Variants in ADAMTSL1 observed in about 807,000 individuals in gnomAD.
ADAMTSL1 encodes the protein ADAMTS-like protein 1.
Under a neutral mutation model 201.8 loss-of-function variants are expected in ADAMTSL1, and 126 were observed. That is an observed-to-expected ratio of 0.62 (90% CI 0.54 to 0.72). The LOEUF is 0.72. ADAMTSL1 is among the 30% of genes least tolerant of loss of function. The pLI is 0.00. For synonymous variants in ADAMTSL1, 1,121 were observed against 903.4 expected (o/e 1.24, Z -4.32); for missense variants, 2,679 against 2,277.8 (o/e 1.18, Z -3.59).
Position 18,031,357 on chromosome 9 carries a change from G to T in ADAMTSL1, c.87+124435G>T, listed in dbSNP as rs544777899. Among the ~76,000 whole-genome samples, 27 of 152,176 alleles carry T rather than the reference G, an allele frequency of 1.8e-4. No homozygotes were observed. In the South Asian group the frequency reaches 5.6e-3, roughly 32 times the overall value. On this transcript the variant is annotated intron_variant, in intron 1 of 29. Coordinates refer to the ADAMTSL1 transcript ENST00000680146. Reference sequence around the variant, plus strand: ...CTTTTTTTCCTTTGAAGCCTTGACTGTGGTGTGTTGTGTATAGTTGATTGG... The same window carrying T: ...CTTTTTTTCCTTTGAAGCCTTGACTTTGGTGTGTTGTGTATAGTTGATTGG...
intron 2 of ADAMTSL1, among the ~76,000 whole-genome samples, chr9:18,273,966 G>C (rs897572665): frequency 2.0e-5 from 3 of 152,168 alleles, no homozygotes; most frequent in Non-Finnish European, 4.4e-5. Flanking sequence ...TCCCTAAAAT[G>C]CGTAAATCCT....
At chr9:18,649,385 A>T (rs897629269) in intron 7 of ADAMTSL1, among the ~76,000 whole-genome samples, 1 of 151,766 alleles carries the variant, frequency 6.6e-6, no homozygotes, top group South Asian at 2.1e-4. Flanking sequence ...TCTTCTCTCA[A>T]CTCGTCAAAG....
chr9:18,373,089 T>C (rs150552974), intron 2 of ADAMTSL1, among the ~76,000 whole-genome samples: 10 of 152,348 alleles, frequency 6.6e-5, no homozygotes, highest in South Asian at 2.1e-4. Flanking sequence ...TTTCTAAAAT[T>C]ATAGGTTTAA....
intron 2 of ADAMTSL1, among the ~76,000 whole-genome samples, chr9:18,175,344 T>G (rs2132144441): frequency 6.6e-6 from 1 of 152,342 alleles, no homozygotes; most frequent in Admixed American, 6.5e-5. Flanking sequence ...AAACACCAGC[T>G]GGCTGCCCAT....
chr9:18,177,055 G>T (rs563089151), intron 2 of ADAMTSL1, among the ~76,000 whole-genome samples: 3 of 152,266 alleles, frequency 2.0e-5, no homozygotes, highest in African/African-American at 7.2e-5. Context: ...CCTTTTAATG[G>T]ATTTGAGCAT....
intron 2 of ADAMTSL1, among the ~76,000 whole-genome samples, chr9:18,348,127 T>C (rs1835805421): frequency 1.3e-5 from 2 of 152,344 alleles, no homozygotes; most frequent in Non-Finnish European, 2.9e-5. Context: ...TTCTCACACT[T>C]ACTAATCTTT....
At chr9:18,522,383 G>A (rs1430089739) in intron 2 of ADAMTSL1, among the ~76,000 whole-genome samples, 2 of 152,084 alleles carry the variant, frequency 1.3e-5, no homozygotes, top group Non-Finnish European at 2.9e-5. Flanking sequence ...TCTCTCAGTT[G>A]TTCTCACAAT....
At chr9:18,582,854 AAAATAAAAT>A (rs1456399429) in intron 4 of ADAMTSL1, among the ~76,000 whole-genome samples, 7 of 145,246 alleles carry the variant, frequency 4.8e-5, no homozygotes, top group South Asian at 2.1e-4. Context: ...ATCTCAAAAT[AAAATAAAAT>A]AAATAAAATA....
intron 4 of ADAMTSL1, among the ~76,000 whole-genome samples, chr9:18,585,364 C>T (rs1823414309): frequency 6.6e-6 from 1 of 152,074 alleles, no homozygotes; most frequent in Non-Finnish European, 1.5e-5. Context: ...GTGAAGTAAA[C>T]AAGGCAGAGC....
intron 2 of ADAMTSL1, among the ~76,000 whole-genome samples, chr9:18,334,036 A>G (rs112346354): frequency 0.025 from 3,783 of 152,246 alleles, 150 homozygotes; most frequent in African/African-American, 0.087. Flanking sequence ...AGTGAAACCA[A>G]CTTTGATTCA....
chr9:18,516,022 T>A (rs1030267297), intron 2 of ADAMTSL1, among the ~76,000 whole-genome samples: 3 of 150,730 alleles, frequency 2.0e-5, no homozygotes, highest in Non-Finnish European at 4.4e-5. Context: ...CAGAGTTGAG[T>A]TGAGTTGAGT....
chr9:18,459,137 A>G (rs1160480874), intron 2 of ADAMTSL1, among the ~76,000 whole-genome samples: 4 of 152,228 alleles, frequency 2.6e-5, no homozygotes, highest in Non-Finnish European at 5.9e-5. Context: ...GCTTGAGACA[A>G]TAGTCCTATG....
rs570902761 is a variant in ADAMTSL1 at position 18,528,408 on chromosome 9, C to T, written c.192-4839C>T. 2.6e-5 allele frequency among the ~76,000 whole-genome samples: 4 copies of T among 152,158 alleles called. No individual in the cohort carries two copies. The South Asian group carries it at 8.3e-4, about 32-fold the overall frequency. On this transcript the variant is annotated intron_variant, in intron 2 of 28. Transcript: ENST00000380548. ...CCCCCATGTATACACGTGTTCTCAC[C>T]CCTCACGTATACATGTGTTCTCATC...
chr9:18,862,505 T>A (rs1289781510), intron 23 of ADAMTSL1, among the ~76,000 whole-genome samples: 1 of 152,198 alleles, frequency 6.6e-6, no homozygotes, highest in East Asian at 1.9e-4. Flanking sequence ...CAGTAGCACC[T>A]TGATTATAGA....
At chr9:18,160,568 G>GTT (rs1050794276) in intron 1 of ADAMTSL1, among the ~76,000 whole-genome samples, 14 of 151,948 alleles carry the variant, frequency 9.2e-5, no homozygotes, top group South Asian at 2.1e-4. Flanking sequence ...ACTGCAAGGT[G>GTT]TTTTTTTACA....
intron 19 of ADAMTSL1, among the ~76,000 whole-genome samples, chr9:18,792,378 A>G (rs1389102584): frequency 1.3e-5 from 2 of 152,210 alleles, no homozygotes; most frequent in Admixed American, 6.5e-5. Context: ...AGATTTGCCA[A>G]TGGCCATTAC....
chr9:18,584,268 A>G (rs987081452), intron 4 of ADAMTSL1, among the ~76,000 whole-genome samples: 1 of 152,120 alleles, frequency 6.6e-6, no homozygotes, highest in African/African-American at 2.4e-5. Flanking sequence ...GTCTCACGAT[A>G]TCTGATGGTT....
At chr9:17,937,951 G>A (rs1229622120) in intron 1 of ADAMTSL1, among the ~76,000 whole-genome samples, 3 of 152,150 alleles carry the variant, frequency 2.0e-5, no homozygotes, top group Admixed American at 2.0e-4. Context: ...AGGGGGGAAG[G>A]TGATGTGGAC....
chr9:17,914,648 C>T (rs1320072210), intron 1 of ADAMTSL1, among the ~76,000 whole-genome samples: 1 of 151,530 alleles, frequency 6.6e-6, no homozygotes, highest in Non-Finnish European at 1.5e-5. Context: ...TCCTATTCAA[C>T]ATAGTGTTGG....
Sources: allele counts gnomAD v4.1 joint callset (sites outside exome capture counted in the v4.1 genomes callset), GRCh38; gene constraint gnomAD v4.1.1; transcripts MANE v1.5; gene names NCBI Gene and HGNC (gene_info 2026-07-23, HGNC 2026-07-21).